GNA12: variants seen among roughly 807,000 people sequenced by gnomAD.
The protein encoded by GNA12 is G protein subunit alpha 12, also known as guanine nucleotide-binding protein subunit alpha-12.
In GNA12, 9 loss-of-function variants were observed where a neutral mutation model predicts 26.0. That is an observed-to-expected ratio of 0.35 (90% confidence interval 0.21 to 0.60). GNA12 has a LOEUF of 0.60. Among genes scored for constraint, GNA12 ranks in the 20% least tolerant of loss-of-function variants. The pLI is 0.78. For synonymous variants in GNA12, 264 were observed against 219.6 expected (o/e 1.20, Z -1.79); for missense variants, 405 against 525.8 (o/e 0.77, Z 2.25).
intron 1 of GNA12, chr7:2,815,086 G>A: frequency 7.9e-7 from 1 of 1,262,774 alleles, no homozygotes. Flanking sequence ...ACACAACAGA[G>A]AACCAGACAG....
chr7:2,824,544 T>G (rs1793440602), intron 1 of GNA12, among the ~76,000 whole-genome samples: 1 of 152,206 alleles, frequency 6.6e-6, no homozygotes, highest in African/African-American at 2.4e-5. Context: ...GACGTGCCTG[T>G]TTACCCTGTG....
chr7:2,818,953 C>A (rs968688652), intron 1 of GNA12, among the ~76,000 whole-genome samples: 2 of 152,102 alleles, frequency 1.3e-5, no homozygotes. Flanking sequence ...CTAAAGATGG[C>A]CGGGGGTATT....
intron 2 of GNA12, among the ~76,000 whole-genome samples, chr7:2,779,248 G>A (rs943596415): frequency 6.6e-6 from 1 of 152,068 alleles, no homozygotes; most frequent in East Asian, 1.9e-4. Flanking sequence ...TACTCAGGAG[G>A]CTGACGTGAG....
intron 1 of GNA12, among the ~76,000 whole-genome samples, chr7:2,834,020 C>T (rs1395709409): frequency 6.6e-6 from 1 of 152,214 alleles, no homozygotes; most frequent in Non-Finnish European, 1.5e-5. Context: ...CACTAGTAGG[C>T]CCACTCTTGG....
chr7:2,737,561 T>G (rs895787082), intron 2 of GNA12, among the ~76,000 whole-genome samples: 7 of 152,176 alleles, frequency 4.6e-5, no homozygotes, highest in Non-Finnish European at 8.8e-5. Flanking sequence ...AGTGCTGGGA[T>G]TACAGGCGTG....
chr7:2,818,425 G>T (rs1368137369), intron 1 of GNA12, among the ~76,000 whole-genome samples: 2 of 151,532 alleles, frequency 1.3e-5, no homozygotes, highest in Admixed American at 1.3e-4. Flanking sequence ...CTGATTAGAG[G>T]CTAGACAAAC....
intron 2 of GNA12, among the ~76,000 whole-genome samples, chr7:2,737,476 A>C (rs1284940763): frequency 6.6e-6 from 1 of 151,530 alleles, no homozygotes; most frequent in Non-Finnish European, 1.5e-5. Flanking sequence ...TTTAGTAGAG[A>C]CGGGGTTTCA....
intron 1 of GNA12, among the ~76,000 whole-genome samples, chr7:2,817,364 C>T (rs946252411): frequency 1.1e-4 from 17 of 152,158 alleles, no homozygotes; most frequent in African/African-American, 3.9e-4. Context: ...ACCCCTGCCT[C>T]GGCCTCCCAA....
chr7:2,750,913 T>C (rs1469482449), intron 2 of GNA12, among the ~76,000 whole-genome samples: 1 of 152,128 alleles, frequency 6.6e-6, no homozygotes, highest in East Asian at 1.9e-4. Flanking sequence ...GGTGGACAGA[T>C]GGGAACAGAA....
chr7:2,840,120 A>G (rs996782940), intron 1 of GNA12, among the ~76,000 whole-genome samples: 1 of 152,232 alleles, frequency 6.6e-6, no homozygotes, highest in Non-Finnish European at 1.5e-5. Context: ...GACTGTATCG[A>G]CGTCAATATC....
At chr7:2,804,483 A>AGGCT (rs573421403) in intron 1 of GNA12, among the ~76,000 whole-genome samples, 229 of 152,326 alleles carry the variant, frequency 1.5e-3, no homozygotes, top group Non-Finnish European at 2.7e-3. Flanking sequence ...GCCTGCTACA[A>AGGCT]GGCTGGCTTT....
At chr7:2,825,240 G>C (rs1015930077) in intron 1 of GNA12, among the ~76,000 whole-genome samples, 6 of 152,170 alleles carry the variant, frequency 3.9e-5, no homozygotes, top group African/African-American at 1.4e-4. Flanking sequence ...GAGGGGAGAA[G>C]AAATACTGAA....
rs779512222 is a variant in GNA12 at position 2,731,794 on chromosome 7, A to C, written c.577-44T>G. 9.8e-7 allele frequency: 1 copy of C among 1,020,702 alleles called. No homozygotes were observed. The highest frequency in any genetic ancestry group is 1.4e-6 in the Non-Finnish European group (1 of 718,042). 63.2% of individuals were successfully genotyped at this position (1,020,702 alleles called of 1,614,324 possible). A position where few individuals can be genotyped will look rare whatever the true frequency, so the allele number is the denominator to read the frequency against. Reference sequence around the variant, plus strand: ...GGCAGAAATTTAGGGGGAGGAAGAAAGAACAGAGAAAATAGAAACAAAAAG... The same window carrying C: ...GGCAGAAATTTAGGGGGAGGAAGAACGAACAGAGAAAATAGAAACAAAAAG... On this transcript the variant is annotated intron_variant, in intron 3 of 3. Coordinates refer to ENST00000275364, the MANE Select transcript of GNA12 (RefSeq NM_007353.3). This position sits in a 1 kb window ranked among gnomAD's most constrained non-coding sequence, Gnocchi z 6.0.
chr7:2,818,632 G>A (rs974785663), intron 1 of GNA12, among the ~76,000 whole-genome samples: 14 of 152,086 alleles, frequency 9.2e-5, no homozygotes, highest in South Asian at 2.1e-4. Context: ...GCATGGTGGC[G>A]TAGCCCTGTA....
chr7:2,797,746 A>G (rs2115461800), intron 1 of GNA12, among the ~76,000 whole-genome samples: 1 of 152,278 alleles, frequency 6.6e-6, no homozygotes, highest in East Asian at 1.9e-4. Flanking sequence ...CGGTCTGGTT[A>G]GAGATGCTCC....
chr7:2,783,931 T>A (rs778659665), intron 2 of GNA12, among the ~76,000 whole-genome samples: 6 of 151,934 alleles, frequency 3.9e-5, no homozygotes, highest in Non-Finnish European at 7.4e-5. Flanking sequence ...GTGATCCACC[T>A]TCCTCAGCCT....
intron 2 of GNA12, among the ~76,000 whole-genome samples, chr7:2,792,505 C>G (rs1043703559): frequency 6.6e-6 from 1 of 152,234 alleles, no homozygotes; most frequent in Admixed American, 6.5e-5. Flanking sequence ...TCACTCAGTA[C>G]GATCAGCCCC....
rs575979107 is a variant in GNA12 at position 2,740,284 on chromosome 7, G to C, written c.526-6783C>G. ...TTCCCATGTGGAAGCCCTACCTGCA[G>C]TGTGATGGTATTTGGAGATGGGGAC... is the stretch of plus-strand genomic sequence containing the variant. On this transcript the variant is annotated intron_variant, in intron 2 of 3. Coordinates refer to ENST00000275364, the MANE Select transcript of GNA12 (RefSeq NM_007353.3). Among the ~76,000 whole-genome samples the C allele has an allele frequency of 2.0e-5, 3 of 152,328 alleles. No homozygotes were observed. In the South Asian group the frequency reaches 6.2e-4, roughly 32 times the overall value.
At chr7:2,797,228 C>G (rs1368768318) in intron 1 of GNA12, among the ~76,000 whole-genome samples, 1 of 152,196 alleles carries the variant, frequency 6.6e-6, no homozygotes, top group African/African-American at 2.4e-5. Flanking sequence ...TCACTGCAAT[C>G]TCGACCTTCT....
Sources: gnomAD v4.1 joint callset for allele counts (sites outside exome capture counted in the v4.1 genomes callset) on GRCh38, gnomAD v4.1.1 for gene constraint, Gnocchi (gnomAD v3.1) non-coding constraint, MANE v1.5 for transcripts, NCBI Gene and HGNC (gene_info 2026-07-23, HGNC 2026-07-21) for gene names.